FBXL2: variants seen among roughly 807,000 people sequenced by gnomAD.
The protein encoded by FBXL2 is F-box and leucine rich repeat protein 2.
A neutral mutation model predicts 69.2 loss-of-function variants in FBXL2; 38 were observed. That is an observed-to-expected ratio of 0.55 (90% CI 0.42 to 0.72). The LOEUF is 0.72. Ranked by LOEUF, FBXL2 falls within the 30% of genes least tolerant of loss-of-function variation. The pLI is 0.00. For missense variants in FBXL2, 354 were observed against 520.3 expected, an observed-to-expected ratio of 0.68 and a Z score of 3.11; for synonymous variants, 192 against 201.3, an observed-to-expected ratio of 0.95 and a Z score of 0.39.
At chr3:33,412,909 C>T in the FBXL2 span, 13 of 895,492 alleles carry the variant, frequency 1.5e-5, no homozygotes, top group Non-Finnish European at 2.3e-5. Context: ...TATGTGTTAA[C>T]CTGTAGCAGT....
chr3:33,280,008 G>A (rs1263005175), intron 1 of FBXL2, among the ~76,000 whole-genome samples: 1 of 152,120 alleles, frequency 6.6e-6, no homozygotes, highest in East Asian at 1.9e-4. Flanking sequence ...ATATATGTTA[G>A]GAAATTAGTT....
the FBXL2 span, among the ~76,000 whole-genome samples, chr3:33,413,746 C>A: frequency 3.3e-5 from 5 of 152,020 alleles, no homozygotes; most frequent in Non-Finnish European, 7.4e-5. Flanking sequence ...TTATAGGGCT[C>A]AGTGGCTGCT....
intron 2 of FBXL2, among the ~76,000 whole-genome samples, chr3:33,342,504 T>A (rs1471418110): frequency 1.3e-5 from 2 of 151,732 alleles, no homozygotes; most frequent in East Asian, 3.9e-4. Flanking sequence ...TTTCTGATAA[T>A]GTTAGCATTT....
At chr3:33,283,252 C>G (rs557233788) in intron 1 of FBXL2, among the ~76,000 whole-genome samples, 71 of 152,222 alleles carry the variant, frequency 4.7e-4, no homozygotes, top group African/African-American at 1.7e-3. Flanking sequence ...GAGTTTTTAG[C>G]AAGAAGGGCT....
rs532888516 is a variant in FBXL2 at position 33,350,951 on chromosome 3, C to A, written c.66-8016C>A. On this transcript the variant is annotated intron_variant, in intron 2 of 14. Transcript: ENST00000484457. ...TGTCATGAAACCCCCAAAGAATTGA[C>A]AAAAAAAAATAGTAATAATAAACCT... is the stretch of plus-strand genomic sequence containing the variant. Among the ~76,000 whole-genome samples the A allele has an allele frequency of 1.4e-3, 209 of 150,328 alleles. 1 individual carries two copies. The highest frequency in any genetic ancestry group is 3.0e-3 in the Admixed American group (45 of 15,090).
intron 1 of FBXL2, among the ~76,000 whole-genome samples, chr3:33,278,679 T>C (rs1342300531): frequency 6.6e-6 from 1 of 152,220 alleles, no homozygotes; most frequent in Non-Finnish European, 1.5e-5. Context: ...TGTGGCATTA[T>C]TGCTGGCAGG....
intron 2 of FBXL2, among the ~76,000 whole-genome samples, chr3:33,330,952 AGT>A (rs1249622456): frequency 2.6e-5 from 4 of 151,304 alleles, no homozygotes; most frequent in Admixed American, 6.6e-5. Context: ...TATCATATAA[AGT>A]ATATATTATA....
At chr3:33,384,387 C>A (rs2043271029) in intron 14 of FBXL2, among the ~76,000 whole-genome samples, 186 bp downstream of exon 14, 1 of 152,074 alleles carries the variant, frequency 6.6e-6, no homozygotes, top group Admixed American at 6.6e-5. Context: ...ATGGTGAAAC[C>A]CCATTTCTAC....
intron 1 of FBXL2, chr3:33,289,701 C>T: frequency 2.0e-6 from 2 of 978,446 alleles, no homozygotes; most frequent in Non-Finnish European, 2.4e-6. Flanking sequence ...CTACACCTAC[C>T]TGCCAACTTT....
At chr3:33,392,867 G>A (rs942725139), downstream of FBXL2, 4 of 405,812 alleles carry the variant, frequency 9.9e-6, no homozygotes, top group African/African-American at 4.1e-5. Context: ...ATTCCCTGCC[G>A]GCTCCAGTGG....
intron 2 of FBXL2, among the ~76,000 whole-genome samples, chr3:33,300,186 A>C (rs866411580): frequency 1.5e-4 from 23 of 152,214 alleles, no homozygotes; most frequent in Admixed American, 3.3e-4. Flanking sequence ...CAAGGCTACT[A>C]ACTGAATGGT....
chr3:33,397,968 T>C (rs191376518), intron 12 of FBXL2: 4 of 152,350 alleles, frequency 2.6e-5, no homozygotes, highest in Admixed American at 1.3e-4. Context: ...GCATAAATGA[T>C]ATGGCATCTA....
Position 33,386,413 on chromosome 3 carries a change from A to C in FBXL2, c.*805A>C, listed in dbSNP as rs1483034686. The C allele has an allele frequency of 6.6e-6, 1 of 152,254 alleles. No individual in the cohort carries two copies. Among genetic ancestry groups the C allele is most frequent in the East Asian group, 1.9e-4 (1 of 5,204 alleles). 9.4% of individuals were successfully genotyped at this position (152,254 alleles called of 1,614,324 possible). On this transcript the variant is annotated 3_prime_UTR_variant, in exon 15 of 15. Coordinates refer to ENST00000484457, the MANE Select transcript of FBXL2 (RefSeq NM_012157.5). Reference sequence around the variant, plus strand: ...AAACTGGGGGGAACCTTAAAGAGAAAGAACTAAGGCTTAAGTTATCTGTAG... The same window carrying C: ...AAACTGGGGGGAACCTTAAAGAGAACGAACTAAGGCTTAAGTTATCTGTAG...
chr3:33,306,083 T>C (rs1031055146), intron 2 of FBXL2, among the ~76,000 whole-genome samples: 10 of 152,036 alleles, frequency 6.6e-5, no homozygotes, highest in African/African-American at 2.4e-4. Context: ...CTGTTTTCTT[T>C]AGCTGCCTTC....
Position 33,373,079 on chromosome 3 carries a change from T to C in FBXL2, c.291-13T>C. 1 of 1,612,866 alleles carries C rather than the reference T, an allele frequency of 6.2e-7. No individual in the cohort carries two copies. Among genetic ancestry groups the C allele is most frequent in the Non-Finnish European group, 8.5e-7 (1 of 1,178,794 alleles). On this transcript the variant is annotated splice_polypyrimidine_tract_variant and intron_variant, in intron 5 of 14. Transcript: ENST00000484457. ...CAACTTGCAGGGAGCTTTAAAATGT[T>C]TTCTCATTTTAGGACCTTTGCACAG...
chr3:33,362,616 T>C (rs555051921), intron 4 of FBXL2, among the ~76,000 whole-genome samples: 2 of 152,336 alleles, frequency 1.3e-5, no homozygotes, highest in Non-Finnish European at 2.9e-5. Flanking sequence ...ATATTCCCCA[T>C]CCTGTGTCCA....
intron 4 of FBXL2, chr3:33,364,362 T>A: frequency 2.1e-6 from 1 of 479,548 alleles, no homozygotes; most frequent in Non-Finnish European, 3.7e-6. Context: ...AAAGGCAGTG[T>A]ACAGGTTTTG....
intron 2 of FBXL2, among the ~76,000 whole-genome samples, chr3:33,318,029 G>GT (rs1219027035): frequency 2.0e-4 from 31 of 151,676 alleles, no homozygotes; most frequent in Non-Finnish European, 3.4e-4. Flanking sequence ...GGTTTTTTTT[G>GT]TTTTTTTGAC....
rs1440633218 is a variant in FBXL2 at position 33,378,089 on chromosome 3, G to A, written c.850-14G>A. On this transcript the variant is annotated splice_polypyrimidine_tract_variant and intron_variant, in intron 11 of 14. Coordinates refer to ENST00000484457, the MANE Select transcript of FBXL2 (RefSeq NM_012157.5). ...CTGACTCACATGTGGGGTGTGTCTT[G>A]TGGACTCTTCCAGAATTGCCACGAA... is the stretch of plus-strand genomic sequence containing the variant. The A allele has an allele frequency of 1.2e-6, 2 of 1,614,098 alleles. No homozygotes were observed. The highest frequency in any genetic ancestry group is 1.7e-6 in the Non-Finnish European group (2 of 1,179,952).
Sources: gnomAD v4.1 joint callset for allele counts (sites outside exome capture counted in the v4.1 genomes callset) on GRCh38, gnomAD v4.1.1 for gene constraint, MANE v1.5 for transcripts, NCBI Gene and HGNC (gene_info 2026-07-23, HGNC 2026-07-21) for gene names.